ADAM9: variants seen among roughly 807,000 people sequenced by gnomAD.
ADAM9 encodes ADAM metallopeptidase domain 9, also known as disintegrin and metalloproteinase domain-containing protein 9.
In ADAM9, 54 loss-of-function variants were observed where a neutral mutation model predicts 108.1. The observed-to-expected ratio is 0.50, with a 90% CI of 0.40 to 0.63. The LOEUF is 0.63. ADAM9 is among the 20% of genes least tolerant of loss of function. The pLI is 0.00. For synonymous variants in ADAM9, 316 were observed against 336.0 expected (o/e 0.94, Z 0.65); for missense variants, 830 against 997.7 (o/e 0.83, Z 2.26).
intron 16 of ADAM9, among the ~76,000 whole-genome samples, chr8:39,079,338 C>G (rs1838946393): frequency 1.6e-5 from 2 of 122,966 alleles, no homozygotes; most frequent in African/African-American, 5.4e-5. Context: ...AGCTCCTGGG[C>G]TCAAGCGATT....
chr8:39,014,138 C>T (rs748717115), intron 4 of ADAM9, 95 bp downstream of exon 4: 18 of 966,526 alleles, frequency 1.9e-5, no homozygotes, highest in Non-Finnish European at 2.7e-5. Flanking sequence ...TTACATTGCA[C>T]AGCCCCACAG....
Position 39,103,732 on chromosome 8 carries a change from A to T in ADAM9, c.*32A>T, listed in dbSNP as rs748176759. The stretch of plus-strand genomic sequence containing the variant: ...TAACCTTCTTTTTGCAAATGTCTTC[A>T]GGGAACTGAGCTAATACTTTTTTTT... On this transcript the variant is annotated 3_prime_UTR_variant, in exon 22 of 22. Coordinates refer to ENST00000487273, the MANE Select transcript of ADAM9 (RefSeq NM_003816.3). 1 of 1,586,992 alleles carries T rather than the reference A, an allele frequency of 6.3e-7. No homozygotes were observed. Among genetic ancestry groups the T allele is most frequent in the Admixed American group, 1.7e-5 (1 of 59,944 alleles).
chr8:39,027,951 G>A (rs375841590), intron 11 of ADAM9, among the ~76,000 whole-genome samples: 25 of 152,100 alleles, frequency 1.6e-4, no homozygotes, highest in African/African-American at 6.0e-4. Context: ...AACTGGGTGT[G>A]TTGGTGCGTG....
chr8:39,101,953 T>G, intron 21 of ADAM9, 23 bp downstream of exon 21: 1 of 1,595,964 alleles, frequency 6.3e-7, no homozygotes, highest in African/African-American at 1.3e-5. Flanking sequence ...TTTGCTTAGA[T>G]TTTTTGGCCA....
Position 39,103,225 on chromosome 8 carries a change from G to A in ADAM9, c.2367-382G>A, listed in dbSNP as rs144821758. Among the ~76,000 whole-genome samples, 6 of 152,290 alleles carry A rather than the reference G, an allele frequency of 3.9e-5. No individual in the cohort carries two copies. In the East Asian group the frequency reaches 1.2e-3, roughly 29 times the overall value. The stretch of plus-strand genomic sequence containing the variant: ...ATGTTGAGGGAGCTATAAACAGCTA[G>A]GTTTACACCAGCAGTAATTTGCTGC... On this transcript the variant is annotated intron_variant, in intron 21 of 21. Coordinates refer to ENST00000487273, the MANE Select transcript of ADAM9 (RefSeq NM_003816.3).
At chr8:39,036,588 C>T (rs1457025900) in intron 11 of ADAM9, among the ~76,000 whole-genome samples, 1 of 151,976 alleles carries the variant, frequency 6.6e-6, no homozygotes, top group Non-Finnish European at 1.5e-5. Context: ...GGCTATAAAT[C>T]ATTAATATTG....
At chr8:38,997,542 A>C (rs1013624627) in intron 1 of ADAM9, among the ~76,000 whole-genome samples, 1 of 152,202 alleles carries the variant, frequency 6.6e-6, no homozygotes. Flanking sequence ...GCGGGCGTTC[A>C]GTCCTCCAAA....
At chr8:39,011,212 T>C (rs555140181) in intron 2 of ADAM9, among the ~76,000 whole-genome samples, 5 of 152,298 alleles carry the variant, frequency 3.3e-5, no homozygotes, top group African/African-American at 1.2e-4. Flanking sequence ...TTAGAATTGA[T>C]AAAATGAGGT....
intron 1 of ADAM9, among the ~76,000 whole-genome samples, chr8:39,004,107 C>T (rs577005528): frequency 5.5e-4 from 84 of 152,218 alleles, no homozygotes; most frequent in African/African-American, 2.0e-3. Context: ...GGAGGCATTT[C>T]TTTTTCTCTG....
At chr8:39,086,231 T>C (rs1839177939) in intron 18 of ADAM9, among the ~76,000 whole-genome samples, 1 of 152,156 alleles carries the variant, frequency 6.6e-6, no homozygotes, top group Non-Finnish European at 1.5e-5. Flanking sequence ...GCCAGGCTGG[T>C]CTCAAAGTCC....
chr8:39,060,050 A>T (rs1349733192), intron 14 of ADAM9, among the ~76,000 whole-genome samples: 1 of 152,230 alleles, frequency 6.6e-6, no homozygotes, highest in South Asian at 2.1e-4. Flanking sequence ...TAGCTTGGTG[A>T]GTCAGATGAC....
At chr8:39,087,237 C>A (rs1210653185) in intron 18 of ADAM9, among the ~76,000 whole-genome samples, 1 of 152,160 alleles carries the variant, frequency 6.6e-6, no homozygotes. Flanking sequence ...TTCTAAGGCT[C>A]ACATTTTTTT....
intron 14 of ADAM9, among the ~76,000 whole-genome samples, chr8:39,056,502 A>G (rs1340559913): frequency 6.6e-6 from 1 of 151,640 alleles, no homozygotes; most frequent in African/African-American, 2.4e-5. Flanking sequence ...ACCCTTAACA[A>G]CTCCCATCAT....
intron 14 of ADAM9, among the ~76,000 whole-genome samples, chr8:39,061,294 T>C (rs576969169): frequency 6.6e-6 from 1 of 152,300 alleles, no homozygotes; most frequent in Admixed American, 6.5e-5. Flanking sequence ...CTGCCAGCTG[T>C]TGAGTGTGTC....
Position 39,055,726 on chromosome 8 carries a change from C to T in ADAM9, c.1545C>T (p.Gly515=). 6.2e-7 allele frequency: 1 copy of T among 1,613,664 alleles called. No individual in the cohort carries two copies. The highest frequency in any genetic ancestry group is 8.5e-7 in the Non-Finnish European group (1 of 1,179,738). ...ATAACAAAGCCTATTGCTACAACGG[C>T]ATGTGCCAGTATTATGATGCTCAAT... is the stretch of plus-strand genomic sequence containing the variant. ...CQNNKAYCYN[G]MCQYYDAQCQ... The change falls in exon 14 of 22, where the codon GGC becomes GGT. Residue 515 remains glycine (G), a synonymous_variant. Coordinates refer to ENST00000487273, the MANE Select transcript of ADAM9 (RefSeq NM_003816.3).
intron 18 of ADAM9, among the ~76,000 whole-genome samples, chr8:39,086,051 A>G (rs956406166): frequency 9.9e-5 from 15 of 151,818 alleles, no homozygotes; most frequent in Admixed American, 3.3e-4. Flanking sequence ...GTCTTGCTCT[A>G]TCACCCAGGC....
intron 11 of ADAM9, among the ~76,000 whole-genome samples, chr8:39,036,582 A>G (rs1837282829): frequency 6.6e-6 from 1 of 152,196 alleles, no homozygotes; most frequent in Non-Finnish European, 1.5e-5. Flanking sequence ...AGGAGAGGCT[A>G]TAAATCATTA....
At chr8:39,067,347 T>C (rs1398898363) in intron 14 of ADAM9, among the ~76,000 whole-genome samples, 4 of 152,218 alleles carry the variant, frequency 2.6e-5, no homozygotes, top group Non-Finnish European at 5.9e-5. Context: ...TTGGGCAGTA[T>C]GGCCATTTTC....
Position 39,018,644 on chromosome 8 carries a change from A to C in ADAM9, c.607-209A>C, listed in dbSNP as rs554882107. The stretch of plus-strand genomic sequence containing the variant: ...CTCAGACATAGTTTATCATCACTTA[A>C]AGTCATTAGCAGAACTGGACAAAGT... On this transcript the variant is annotated intron_variant, in intron 6 of 21. Transcript: ENST00000487273. The C allele has an allele frequency of 1.0e-3, 597 of 590,140 alleles. 6 individuals are homozygous for C. Among genetic ancestry groups the C allele is most frequent in the Non-Finnish European group, 2.4e-4 (79 of 332,682 alleles). The allele number at this position is 590,140 out of a possible 1,614,324, so 36.6% of individuals were successfully genotyped here. A position where few individuals can be genotyped will look rare whatever the true frequency, so the allele number is the denominator to read the frequency against.
Sources: allele counts gnomAD v4.1 joint callset (sites outside exome capture counted in the v4.1 genomes callset), GRCh38; gene constraint gnomAD v4.1.1; transcripts MANE v1.5; gene names NCBI Gene and HGNC (gene_info 2026-07-23, HGNC 2026-07-21).